The following GRIK4 variants were observed in gnomAD, a reference collection of about 807,000 sequenced individuals.
GRIK4 encodes the protein glutamate receptor ionotropic, kainate 4.
Under a neutral mutation model 104.9 loss-of-function variants are expected in GRIK4, and 40 were observed. The observed-to-expected ratio is 0.38, with a 90% CI of 0.30 to 0.50. GRIK4 has a LOEUF of 0.50. Ranked by LOEUF, GRIK4 falls within the 20% of genes least tolerant of loss-of-function variation. The pLI is 0.93. For synonymous variants in GRIK4, 485 were observed against 524.9 expected (o/e 0.92, Z 1.04); for missense variants, 1,047 against 1,308.1 (o/e 0.80, Z 3.08).
At chr11:120,622,364 A>G (rs1949200579) in intron 1 of GRIK4, among the ~76,000 whole-genome samples, 1 of 152,184 alleles carries the variant, frequency 6.6e-6, no homozygotes, top group Non-Finnish European at 1.5e-5. Context: ...CCCAGGTCAC[A>G]CTGCCTTTAG....
chr11:120,572,636 T>C (rs1273370104), intron 1 of GRIK4, among the ~76,000 whole-genome samples: 2 of 152,170 alleles, frequency 1.3e-5, no homozygotes, highest in African/African-American at 4.8e-5. Context: ...TGGGAAGTTT[T>C]CCAGGTAGAG....
At chr11:120,661,876 C>G (rs546531148) in intron 3 of GRIK4, among the ~76,000 whole-genome samples, 1 of 152,186 alleles carries the variant, frequency 6.6e-6, no homozygotes, top group Non-Finnish European at 1.5e-5. Flanking sequence ...CCCTCTTCTC[C>G]GTTCATTTTT....
At chr11:120,689,818 C>A (rs1331972013) in intron 3 of GRIK4, among the ~76,000 whole-genome samples, 2 of 152,138 alleles carry the variant, frequency 1.3e-5, no homozygotes, top group Non-Finnish European at 2.9e-5. Flanking sequence ...GTTGGTTACT[C>A]CCACACCCCC....
At chr11:120,706,029 T>TGCTTTCCA (rs755757984) in intron 3 of GRIK4, among the ~76,000 whole-genome samples, 1 of 152,202 alleles carries the variant, frequency 6.6e-6, no homozygotes, top group Non-Finnish European at 1.5e-5. Flanking sequence ...ACTAGAAGAC[T>TGCTTTCCA]GCTTTCCAGC....
chr11:120,548,116 C>A (rs1948104380), intron 1 of GRIK4, among the ~76,000 whole-genome samples: 1 of 152,100 alleles, frequency 6.6e-6, no homozygotes, highest in Non-Finnish European at 1.5e-5. Context: ...GTGACTCAGC[C>A]CGAATCAATT....
chr11:120,685,950 TCCAGC>T (rs1182490479), intron 3 of GRIK4, among the ~76,000 whole-genome samples: 4 of 152,092 alleles, frequency 2.6e-5, no homozygotes, highest in African/African-American at 9.7e-5. Flanking sequence ...TCTCTCCAAC[TCCAGC>T]TGTGCGCAGA....
intron 1 of GRIK4, among the ~76,000 whole-genome samples, chr11:120,615,781 T>C (rs983931345): frequency 6.6e-6 from 1 of 152,140 alleles, no homozygotes; most frequent in Non-Finnish European, 1.5e-5. Context: ...AGTTTTCATT[T>C]TAATCTGACA....
chr11:120,571,675 C>T (rs1476065885), intron 1 of GRIK4, among the ~76,000 whole-genome samples: 1 of 152,024 alleles, frequency 6.6e-6, no homozygotes, highest in Non-Finnish European at 1.5e-5. Context: ...GCCTGGCCCA[C>T]CCCCCTCATC....
At position 120,659,181 on chromosome 11, in the gene GRIK4, G is replaced by T. The variant is rs576060806; in HGVS notation, c.-50-1088G>T. On this transcript the variant is annotated intron_variant, in intron 2 of 20. Coordinates refer to ENST00000527524, the MANE Select transcript of GRIK4 (RefSeq NM_014619.5). ...AATCTGGGTCTCAGTGGGGGCCAAG[G>T]CACGTGCTGCCTTGGGGAGAGGCAG... 3.3e-5 allele frequency among the ~76,000 whole-genome samples: 5 copies of T among 152,252 alleles called. No homozygotes were observed. In the South Asian group the frequency reaches 8.3e-4, roughly 25 times the overall value.
intron 3 of GRIK4, among the ~76,000 whole-genome samples, chr11:120,741,553 C>T (rs996479807): frequency 6.6e-6 from 1 of 152,148 alleles, no homozygotes; most frequent in Non-Finnish European, 1.5e-5. Context: ...GCTGGGATTA[C>T]AGGCATGAGC....
chr11:120,795,454 C>A (rs569633403), intron 3 of GRIK4, among the ~76,000 whole-genome samples: 181 of 152,344 alleles, frequency 1.2e-3, no homozygotes, highest in Middle Eastern at 0.01. Flanking sequence ...ATGCTGACTG[C>A]ACCATTGCCA....
chr11:120,979,672 GT>G (rs1262167095), intron 19 of GRIK4, among the ~76,000 whole-genome samples: 1 of 152,192 alleles, frequency 6.6e-6, no homozygotes, highest in Non-Finnish European at 1.5e-5. Context: ...GAGAGAGCCA[GT>G]GGAGAGAAGA....
chr11:120,808,750 A>C (rs1294344307), intron 4 of GRIK4, among the ~76,000 whole-genome samples: 1 of 152,156 alleles, frequency 6.6e-6, no homozygotes, highest in Non-Finnish European at 1.5e-5. Context: ...TTGCCCTAGG[A>C]TGGCCAGGGC....
Position 120,831,836 on chromosome 11 carries a change from C to T in GRIK4, c.512-16C>T. 1 of 1,601,380 alleles carries T rather than the reference C, an allele frequency of 6.2e-7. No individual in the cohort carries two copies. Among genetic ancestry groups the T allele is most frequent in the Non-Finnish European group, 8.5e-7 (1 of 1,169,678 alleles). ...CTCTGTGGACCCTCAGGGGCTTCAT[C>T]CTCTCTCCCCTCCAGGCCTTTTAAA... is the stretch of plus-strand genomic sequence containing the variant. On this transcript the variant is annotated splice_polypyrimidine_tract_variant and intron_variant, in intron 6 of 20. Transcript: ENST00000527524.
intron 3 of GRIK4, among the ~76,000 whole-genome samples, chr11:120,759,269 G>A (rs988275060): frequency 6.6e-6 from 1 of 152,290 alleles, no homozygotes. Context: ...AAACTAAACC[G>A]AAAGCAGCTA....
intron 3 of GRIK4, among the ~76,000 whole-genome samples, chr11:120,727,181 A>G (rs954342035): frequency 6.6e-6 from 1 of 152,208 alleles, no homozygotes; most frequent in Non-Finnish European, 1.5e-5. Flanking sequence ...AGTCCACCAG[A>G]TGGAACAAAG....
At position 120,771,848 on chromosome 11, in the gene GRIK4, G is replaced by A. The variant is rs57694921; in HGVS notation, c.83-30845G>A. Among the ~76,000 whole-genome samples, 668 of 152,360 alleles carry A rather than the reference G, an allele frequency of 4.4e-3. 6 individuals are homozygous for A. Among genetic ancestry groups the A allele is most frequent in the African/African-American group, 0.016 (649 of 41,582 alleles). ...AAAGGATGCTCTTGAGAGCCATAGA[G>A]CTCAGGCAGAAAATTGCTGCAGGAG... On this transcript the variant is annotated intron_variant, in intron 3 of 20. Transcript: ENST00000527524.
At chr11:120,971,361 A>G (rs981413169) in intron 19 of GRIK4, among the ~76,000 whole-genome samples, 1 of 152,194 alleles carries the variant, frequency 6.6e-6, no homozygotes, top group African/African-American at 2.4e-5. Flanking sequence ...TGAACAACAA[A>G]TGAATAGATA....
At chr11:120,697,784 C>T (rs867170860) in intron 3 of GRIK4, among the ~76,000 whole-genome samples, 5 of 152,048 alleles carry the variant, frequency 3.3e-5, no homozygotes, top group Non-Finnish European at 1.5e-5. Context: ...TATATGGGGA[C>T]GGTGTGGAGA....
Sources: gnomAD v4.1 joint callset for allele counts (sites outside exome capture counted in the v4.1 genomes callset) on GRCh38, gnomAD v4.1.1 for gene constraint, MANE v1.5 for transcripts, NCBI Gene and HGNC (gene_info 2026-07-23, HGNC 2026-07-21) for gene names.